DGLUCY: variants seen among roughly 807,000 people sequenced by gnomAD.
DGLUCY encodes the protein D-glutamate cyclase, mitochondrial.
A neutral mutation model predicts 58.5 loss-of-function variants in DGLUCY; 58 were observed. The ratio of observed to expected loss-of-function variants is 0.99; its 90% CI spans 0.80 to 1.23. DGLUCY has a LOEUF of 1.23. Among genes scored for constraint, DGLUCY ranks in the 50% most tolerant of loss-of-function variants. The pLI is 0.00. For synonymous variants in DGLUCY, 325 were observed against 314.1 expected (o/e 1.03, Z -0.37); for missense variants, 779 against 784.7 (o/e 0.99, Z 0.09).
intron 2 of DGLUCY, among the ~76,000 whole-genome samples, chr14:91,159,648 G>T (rs1040287314): frequency 6.6e-6 from 1 of 152,184 alleles, no homozygotes; most frequent in African/African-American, 2.4e-5. Flanking sequence ...ACTGTGCCTA[G>T]AGTGGGGTTA....
At chr14:91,086,472 A>T (rs960665696) in intron 1 of DGLUCY, among the ~76,000 whole-genome samples, 5 of 152,170 alleles carry the variant, frequency 3.3e-5, no homozygotes, top group African/African-American at 4.8e-5. Context: ...TTTCTAGATT[A>T]CTTATAATAT....
intron 1 of DGLUCY, among the ~76,000 whole-genome samples, chr14:91,137,808 C>A (rs899681193): frequency 6.6e-6 from 1 of 151,968 alleles, no homozygotes; most frequent in African/African-American, 2.4e-5. Context: ...CTATCACCTG[C>A]CTTAGGGAAG....
intron 1 of DGLUCY, among the ~76,000 whole-genome samples, chr14:91,070,166 A>G (rs2043891890): frequency 6.6e-6 from 1 of 152,178 alleles, no homozygotes; most frequent in African/African-American, 2.4e-5. Flanking sequence ...AGGGAGGGTC[A>G]AAATTAGGGA....
rs1166545141 is a variant in DGLUCY at position 91,160,251 on chromosome 14, C to T, written c.-29-15C>T. 1 of 1,498,244 alleles carries T rather than the reference C, an allele frequency of 6.7e-7. No homozygotes were observed. The highest frequency in any genetic ancestry group is 9.3e-7 in the Non-Finnish European group (1 of 1,075,576). The allele number at this position is 1,498,244 out of a possible 1,614,324, so 92.8% of individuals were successfully genotyped here. ...CCACACTTTCTAATTTGTTCCCTTTCCTTCCCTCACCCAGATTCTCTGCTA... is the reference window on the plus strand; with the variant it reads ...CCACACTTTCTAATTTGTTCCCTTTTCTTCCCTCACCCAGATTCTCTGCTA... On this transcript the variant is annotated splice_polypyrimidine_tract_variant and intron_variant, in intron 2 of 13. Transcript: ENST00000256324.
chr14:91,068,110 CA>C (rs1566928273), intron 1 of DGLUCY, among the ~76,000 whole-genome samples: 26 of 146,124 alleles, frequency 1.8e-4, no homozygotes, highest in African/African-American at 7.0e-4. Flanking sequence ...CACACACACA[CA>C]CACACCCCTT....
intron 1 of DGLUCY, among the ~76,000 whole-genome samples, chr14:91,074,118 TACACACACACAC>T (rs3086753): frequency 5.7e-5 from 4 of 70,342 alleles, no homozygotes; most frequent in African/African-American, 1.2e-4. Context: ...TATATATATA[TACACACACACAC>T]ACACACACAC....
At chr14:91,188,369 C>T (rs2049653701) in intron 8 of DGLUCY, among the ~76,000 whole-genome samples, 9 of 152,192 alleles carry the variant, frequency 5.9e-5, no homozygotes. Context: ...TGAAGGGAGG[C>T]TCCTCAGCCA....
At chr14:91,206,648 G>A (rs1171355419) in intron 12 of DGLUCY, among the ~76,000 whole-genome samples, 1 of 152,124 alleles carries the variant, frequency 6.6e-6, no homozygotes, top group Admixed American at 6.5e-5. Flanking sequence ...CTCCCAAAGT[G>A]CTGGGATTAC....
Position 91,225,179 on chromosome 14 carries a change from C to T in DGLUCY, c.*346C>T. 5.8e-6 allele frequency: 1 copy of T among 173,902 alleles called. No individual in the cohort carries two copies. The highest frequency in any genetic ancestry group is 1.2e-5 in the Non-Finnish European group (1 of 82,788). 10.8% of individuals were successfully genotyped at this position (173,902 alleles called of 1,614,324 possible). A position where few individuals can be genotyped will look rare whatever the true frequency, so the allele number is the denominator to read the frequency against. Reference sequence around the variant, plus strand: ...GGGGACACTTGTGAACAATTAACTGCCAGGCAGAGCATGAGAACAAACATT... The same window carrying T: ...GGGGACACTTGTGAACAATTAACTGTCAGGCAGAGCATGAGAACAAACATT... On this transcript the variant is annotated 3_prime_UTR_variant, in exon 14 of 14. Transcript: ENST00000256324.
At chr14:91,221,683 G>A (rs762655420) in intron 13 of DGLUCY, among the ~76,000 whole-genome samples, 17 of 152,028 alleles carry the variant, frequency 1.1e-4, no homozygotes, top group Non-Finnish European at 1.3e-4. Context: ...GAACAGCCTC[G>A]GGCCTCATTC....
intron 1 of DGLUCY, among the ~76,000 whole-genome samples, chr14:91,088,674 T>C (rs10151637): frequency 0.045 from 6,908 of 152,266 alleles, 493 homozygotes; most frequent in African/African-American, 0.15. Flanking sequence ...AGGGTTCCCC[T>C]AAGCAGGGGT....
At chr14:91,205,791 TCTTCTC>T (rs1884523665) in intron 12 of DGLUCY, among the ~76,000 whole-genome samples, 1 of 130,850 alleles carries the variant, frequency 7.6e-6, no homozygotes, top group Non-Finnish European at 1.6e-5. Flanking sequence ...TTCTTCTTCT[TCTTCTC>T]CGTCTCCTTC....
intron 1 of DGLUCY, among the ~76,000 whole-genome samples, chr14:91,143,997 A>T (rs569877876): frequency 1.6e-4 from 25 of 152,296 alleles, no homozygotes; most frequent in Non-Finnish European, 3.2e-4. Flanking sequence ...TCTCTGCATT[A>T]GTTCCTCTGT....
At chr14:91,063,595 C>A (rs1299087667) in intron 1 of DGLUCY, among the ~76,000 whole-genome samples, 1 of 152,244 alleles carries the variant, frequency 6.6e-6, no homozygotes, top group Non-Finnish European at 1.5e-5. Flanking sequence ...AAAGCATAAT[C>A]TAGCCTTATA....
intron 1 of DGLUCY, among the ~76,000 whole-genome samples, chr14:91,071,155 A>C (rs2043909043): frequency 6.6e-6 from 1 of 151,118 alleles, no homozygotes; most frequent in African/African-American, 2.4e-5. Flanking sequence ...ACACGGTGAA[A>C]CCCCGTCTCT....
At chr14:91,221,141 G>T (rs1302411704) in intron 13 of DGLUCY, among the ~76,000 whole-genome samples, 1 of 152,214 alleles carries the variant, frequency 6.6e-6, no homozygotes, top group Non-Finnish European at 1.5e-5. Context: ...CAGGTACTGA[G>T]CACCCATGGT....
rs150335357 is a variant in DGLUCY, at chr14:91,194,360, A to G, written c.1196-2015A>G. On this transcript the variant is annotated intron_variant, in intron 9 of 13. Transcript: ENST00000256324. ...ATTGGCAGGCTGCCCCTCACAGCAC[A>G]GGGAAGGGCTGGGTCATTCCCCTTT... Among the ~76,000 whole-genome samples, 201 of 152,156 alleles carry G rather than the reference A, an allele frequency of 1.3e-3. 1 individual carries two copies. The highest frequency in any genetic ancestry group is 4.7e-3 in the African/African-American group (194 of 41,518).
intron 1 of DGLUCY, among the ~76,000 whole-genome samples, chr14:91,125,271 T>C (rs562761618): frequency 1.3e-5 from 2 of 152,350 alleles, no homozygotes; most frequent in South Asian, 2.1e-4. Flanking sequence ...GTACTATTTC[T>C]TTACGGCACC....
At chr14:91,222,568 A>G (rs1887674251) in intron 13 of DGLUCY, among the ~76,000 whole-genome samples, 1 of 152,122 alleles carries the variant, frequency 6.6e-6, no homozygotes, top group African/African-American at 2.4e-5. Context: ...TCCCTCCTAC[A>G]GAGGAACATC....
Sources: allele counts gnomAD v4.1 joint callset (sites outside exome capture counted in the v4.1 genomes callset), GRCh38; gene constraint gnomAD v4.1.1; transcripts MANE v1.5; gene names NCBI Gene and HGNC (gene_info 2026-07-23, HGNC 2026-07-21).